Variants in NELL2 observed in about 807,000 individuals in gnomAD.
NELL2 encodes the protein neural EGFL like 2.
In NELL2, 41 loss-of-function variants were observed where a neutral mutation model predicts 109.6. That is an observed-to-expected ratio of 0.37 (90% CI 0.29 to 0.49). NELL2 has a LOEUF of 0.49. Among genes scored for constraint, NELL2 ranks in the 20% least tolerant of loss-of-function variants. The pLI is 0.98. For synonymous variants in NELL2, 355 were observed against 344.7 expected, an observed-to-expected ratio of 1.03 and a Z score of -0.33; for missense variants, 900 against 1,008.3, an observed-to-expected ratio of 0.89 and a Z score of 1.45.
intron 3 of NELL2, among the ~76,000 whole-genome samples, chr12:44,788,870 G>A (rs1942277627): frequency 1.3e-5 from 2 of 152,110 alleles, no homozygotes; most frequent in African/African-American, 4.8e-5. Flanking sequence ...GCAGTTCGGT[G>A]AGGCCTGTGA....
At chr12:44,630,208 T>C (rs1946401790) in intron 13 of NELL2, among the ~76,000 whole-genome samples, 1 of 152,206 alleles carries the variant, frequency 6.6e-6, no homozygotes, top group Non-Finnish European at 1.5e-5. Flanking sequence ...TGTTGAGCAC[T>C]TACAATGTGC....
intron 1 of NELL2, among the ~76,000 whole-genome samples, chr12:44,912,006 A>G (rs1945785337): frequency 6.6e-6 from 1 of 151,398 alleles, no homozygotes. Flanking sequence ...AATAAAAATA[A>G]AAATAAATAA....
intron 15 of NELL2, among the ~76,000 whole-genome samples, chr12:44,584,042 G>A (rs144020218): frequency 6.6e-6 from 1 of 152,292 alleles, no homozygotes; most frequent in African/African-American, 2.4e-5. Flanking sequence ...CAGAAGTGCT[G>A]GGATTACAGG....
At chr12:44,551,212 C>T (rs1327954956) in intron 15 of NELL2, among the ~76,000 whole-genome samples, 3 of 152,110 alleles carry the variant, frequency 2.0e-5, no homozygotes, top group African/African-American at 7.2e-5. Flanking sequence ...AAATATTCCC[C>T]TAATTCAATA....
intron 2 of NELL2, among the ~76,000 whole-genome samples, chr12:44,832,173 C>A (rs1453713769): frequency 1.3e-5 from 2 of 152,044 alleles, no homozygotes; most frequent in Admixed American, 6.6e-5. Flanking sequence ...AAGAATGAGC[C>A]CCAAAATTGG....
intron 2 of NELL2, among the ~76,000 whole-genome samples, chr12:44,836,658 A>G (rs898107039): frequency 6.6e-6 from 1 of 152,152 alleles, no homozygotes; most frequent in African/African-American, 2.4e-5. Flanking sequence ...GGCAAAGAAA[A>G]ATCTCTAACT....
intron 13 of NELL2, among the ~76,000 whole-genome samples, chr12:44,629,121 C>T (rs913013387): frequency 2.6e-5 from 4 of 152,060 alleles, no homozygotes; most frequent in African/African-American, 9.7e-5. Context: ...TTAATTTGAA[C>T]TATGGGTGAG....
chr12:44,618,891 T>C (rs1441816284), intron 13 of NELL2, among the ~76,000 whole-genome samples: 1 of 152,190 alleles, frequency 6.6e-6, no homozygotes, highest in African/African-American at 2.4e-5. Context: ...ATAAAAGGCC[T>C]GTTCGGGTAG....
At chr12:44,637,778 GA>G (rs1295434405) in intron 13 of NELL2, among the ~76,000 whole-genome samples, 1 of 151,572 alleles carries the variant, frequency 6.6e-6, no homozygotes, top group South Asian at 2.1e-4. Context: ...GAAAATTTCA[GA>G]AAGAAGTTGC....
chr12:44,822,506 A>G (rs896705087), intron 2 of NELL2, among the ~76,000 whole-genome samples: 3 of 152,200 alleles, frequency 2.0e-5, no homozygotes, highest in African/African-American at 7.2e-5. Flanking sequence ...ACAAAAATCA[A>G]TGTAAAGTGA....
chr12:44,664,174 T>C (rs1947844218), intron 13 of NELL2, among the ~76,000 whole-genome samples: 1 of 152,080 alleles, frequency 6.6e-6, no homozygotes, highest in Admixed American at 6.5e-5. Flanking sequence ...CTGAAAAGCA[T>C]CTCTGTAGTC....
At chr12:44,555,628 T>C (rs1001951599) in intron 15 of NELL2, among the ~76,000 whole-genome samples, 2 of 152,128 alleles carry the variant, frequency 1.3e-5, no homozygotes, top group Non-Finnish European at 2.9e-5. Context: ...CAACCCATGA[T>C]AAATTTCAGG....
intron 19 of NELL2, among the ~76,000 whole-genome samples, chr12:44,517,011 G>T (rs1941296761): frequency 6.9e-6 from 1 of 145,362 alleles, no homozygotes; most frequent in Non-Finnish European, 1.5e-5. Context: ...CTAGAGTTTT[G>T]ATAAATATTT....
At chr12:44,747,155 T>C (rs992297096) in intron 9 of NELL2, among the ~76,000 whole-genome samples, 37 of 152,160 alleles carry the variant, frequency 2.4e-4, no homozygotes, top group African/African-American at 8.7e-4. Context: ...TGTGGGGACA[T>C]GGATGAAACT....
intron 9 of NELL2, among the ~76,000 whole-genome samples, chr12:44,772,063 A>G (rs1941572008): frequency 6.6e-6 from 1 of 152,196 alleles, no homozygotes; most frequent in Admixed American, 6.5e-5. Context: ...AGGTTTTGTC[A>G]TTAAAAAGGC....
chr12:44,909,827 C>G (rs1945759713), intron 1 of NELL2, among the ~76,000 whole-genome samples: 1 of 151,404 alleles, frequency 6.6e-6, no homozygotes, highest in African/African-American at 2.4e-5. Flanking sequence ...TAAAGCTACA[C>G]ACAATACAGC....
At chr12:44,733,598 T>A (rs1939486731) in intron 9 of NELL2, among the ~76,000 whole-genome samples, 1 of 151,978 alleles carries the variant, frequency 6.6e-6, no homozygotes, top group Admixed American at 6.6e-5. Flanking sequence ...TTATAGAGTT[T>A]CAGTCATGAA....
upstream of NELL2, chr12:44,876,577 G>A: frequency 6.6e-7 from 1 of 1,526,558 alleles, no homozygotes; most frequent in Non-Finnish European, 8.8e-7. Flanking sequence ...AATCCAAGGT[G>A]CTAAGTTGAT....
chr12:44,901,216 A>C lies in NELL2; in HGVS notation c.38+12583T>G, dbSNP rs575876777. On this transcript the variant is annotated intron_variant, in intron 1 of 20. Transcript: ENST00000333837. ...GACACAATAAAAAATGATAAAGGGG[A>C]TATCACCACTTATCCCGTAGAAATA... 2.6e-5 allele frequency among the ~76,000 whole-genome samples: 4 copies of C among 152,286 alleles called. No individual in the cohort carries two copies. In the South Asian group the frequency reaches 8.3e-4, roughly 32 times the overall value.
Sources: gnomAD v4.1 joint callset for allele counts (sites outside exome capture counted in the v4.1 genomes callset) on GRCh38, gnomAD v4.1.1 for gene constraint, MANE v1.5 for transcripts, NCBI Gene and HGNC (gene_info 2026-07-23, HGNC 2026-07-21) for gene names.